The following CYRIB variants were observed in gnomAD, a reference collection of about 807,000 sequenced individuals.
CYRIB encodes CYFIP related Rac1 interactor B, also known as CYFIP-related Rac1 interactor B.
In CYRIB, 8 loss-of-function variants were observed where a neutral mutation model predicts 44.2. The ratio of observed to expected loss-of-function variants is 0.18; its 90% CI spans 0.11 to 0.33. The LOEUF (loss-of-function observed/expected upper bound fraction) is 0.33, where lower values mean the gene tolerates loss of function less well. Among genes scored for constraint, CYRIB ranks in the 10% least tolerant of loss-of-function variants. The pLI, the probability that CYRIB is intolerant of heterozygous loss-of-function variation, is 1.00. For missense variants in CYRIB, 185 were observed against 382.8 expected (o/e 0.48, Z 4.31); for synonymous variants, 131 against 127.2 (o/e 1.03, Z -0.20).
At chr8:129,843,232 A>G (rs1362515409) in intron 11 of CYRIB, among the ~76,000 whole-genome samples, 1 of 152,212 alleles carries the variant, frequency 6.6e-6, no homozygotes, top group Non-Finnish European at 1.5e-5. Context: ...TCTCCCATGG[A>G]CACCCAGAGG....
At chr8:129,918,901 T>C (rs2082107484) in intron 1 of CYRIB, among the ~76,000 whole-genome samples, 1 of 152,218 alleles carries the variant, frequency 6.6e-6, no homozygotes. Context: ...GGTCAATGTA[T>C]CGTTAGCAGA....
chr8:129,996,219 A>C (rs2096760950), intron 1 of CYRIB, among the ~76,000 whole-genome samples: 1 of 152,130 alleles, frequency 6.6e-6, no homozygotes, highest in African/African-American at 2.4e-5. Flanking sequence ...GCCACTTCCT[A>C]TGGGAAGCCC....
chr8:129,994,154 G>T (rs186530239), intron 1 of CYRIB, among the ~76,000 whole-genome samples: 1 of 152,260 alleles, frequency 6.6e-6, no homozygotes, highest in East Asian at 1.9e-4. Flanking sequence ...GGCCTAATAA[G>T]GTGATAACCA....
At chr8:129,946,161 T>C (rs1564321969) in intron 2 of CYRIB, among the ~76,000 whole-genome samples, 1 of 152,344 alleles carries the variant, frequency 6.6e-6, no homozygotes, top group East Asian at 1.9e-4. Context: ...GCTCCCTGGA[T>C]TGTAATTACT....
At chr8:129,906,158 A>T (rs2075269410) in intron 1 of CYRIB, among the ~76,000 whole-genome samples, 1 of 152,324 alleles carries the variant, frequency 6.6e-6, no homozygotes, top group South Asian at 2.1e-4. Flanking sequence ...ATCCTAAGCC[A>T]AAAGAACAAA....
intron 1 of CYRIB, among the ~76,000 whole-genome samples, chr8:129,933,938 G>A (rs1430661626): frequency 6.6e-6 from 1 of 151,788 alleles, no homozygotes; most frequent in Non-Finnish European, 1.5e-5. Flanking sequence ...TGTGTTTTGT[G>A]CTTGTACTTA....
In CYRIB at chr8:129,855,678, C is replaced by T. The variant is rs2045876974; in HGVS notation, c.371G>A (p.Arg124Gln). The change falls in exon 6 of 12, where the codon CGA becomes CAA. Residue 124 changes from arginine to glutamine, a missense_variant. Transcript: ENST00000519824. The stretch of plus-strand genomic sequence containing the variant: ...AAACTGTTTAGCAAGAGCCTGCTCT[C>T]GCTCTAGATGCTGGGTGGGAGAATA... 3.7e-6 allele frequency: 6 copies of T among 1,613,130 alleles called. No homozygotes were observed. The highest frequency in any genetic ancestry group is 1.1e-5 in the South Asian group (1 of 91,064).
At chr8:129,847,697 CG>C (rs2040908338) in intron 10 of CYRIB, among the ~76,000 whole-genome samples, 1 of 152,106 alleles carries the variant, frequency 6.6e-6, no homozygotes, top group Admixed American at 6.5e-5. Context: ...CACTTGATGA[CG>C]ATGGTATTTA....
Position 129,883,112 on chromosome 8 carries a change from C to CAAAAAAAAAAAAA in CYRIB, c.-10-3654_-10-3642dup, listed in dbSNP as rs34764499. Among the ~76,000 whole-genome samples, 77 of 41,256 alleles carry CAAAAAAAAAAAAA rather than the reference C, an allele frequency of 1.9e-3. 2 individuals are homozygous for CAAAAAAAAAAAAA. Among genetic ancestry groups the CAAAAAAAAAAAAA allele is most frequent in the African/African-American group, 5.9e-3 (61 of 10,354 alleles). The allele number at this position is 41,256 out of a possible 152,430, so 27.1% of individuals were successfully genotyped here. A position where few individuals can be genotyped will look rare whatever the true frequency, so the allele number is the denominator to read the frequency against. ...TAGGCAACAGAGCTAGACTCCCTCT[C>CAAAAAAAAAAAAA]AAAAAAAAAAAAAAAAAAAAAAAAA... is the stretch of plus-strand genomic sequence containing the variant. On this transcript the variant is annotated intron_variant, in intron 2 of 11. Coordinates refer to ENST00000519824, the Ensembl canonical transcript of CYRIB.
intron 1 of CYRIB, among the ~76,000 whole-genome samples, chr8:129,922,311 T>C (rs1198769886): frequency 6.6e-6 from 1 of 152,182 alleles, no homozygotes; most frequent in Admixed American, 6.5e-5. Flanking sequence ...CAGTCTCGAA[T>C]AGAAAACTGT....
intron 11 of CYRIB, among the ~76,000 whole-genome samples, chr8:129,846,119 G>A (rs1056135887): frequency 1.3e-5 from 2 of 152,210 alleles, no homozygotes; most frequent in Admixed American, 6.5e-5. Flanking sequence ...GTGACAGAGC[G>A]AGATTCCAAC....
At chr8:129,916,740 T>C (rs952382771) in intron 1 of CYRIB, among the ~76,000 whole-genome samples, 3 of 152,242 alleles carry the variant, frequency 2.0e-5, no homozygotes, top group African/African-American at 4.8e-5. Flanking sequence ...CTGCTACTCA[T>C]TGGCTGCAGA....
chr8:129,898,514 A>G (rs2069493170), intron 2 of CYRIB, among the ~76,000 whole-genome samples: 1 of 152,240 alleles, frequency 6.6e-6, no homozygotes. Context: ...ATAGTTTTCA[A>G]CAGTTTGTCA....
At chr8:129,920,677 C>T (rs1228734742) in intron 1 of CYRIB, among the ~76,000 whole-genome samples, 1 of 152,048 alleles carries the variant, frequency 6.6e-6, no homozygotes, top group Non-Finnish European at 1.5e-5. Flanking sequence ...AATTCTGAAA[C>T]CATTAACTCA....
chr8:129,985,644 C>G (rs1033786473), intron 1 of CYRIB, among the ~76,000 whole-genome samples: 1 of 151,618 alleles, frequency 6.6e-6, no homozygotes, highest in Non-Finnish European at 1.5e-5. Context: ...TGATTGCTCT[C>G]AGAAAAAAAA....
intron 1 of CYRIB, among the ~76,000 whole-genome samples, chr8:129,981,887 C>T (rs1168408759): frequency 6.6e-6 from 1 of 152,174 alleles, no homozygotes; most frequent in Non-Finnish European, 1.5e-5. Context: ...ACCACTGTCC[C>T]CCTCTCTCAG....
chr8:129,955,843 A>G (rs533719888), intron 2 of CYRIB, among the ~76,000 whole-genome samples: 2 of 152,302 alleles, frequency 1.3e-5, no homozygotes, highest in South Asian at 2.1e-4. Context: ...CTCACCCTCA[A>G]TTTATAATGT....
intron 2 of CYRIB, among the ~76,000 whole-genome samples, chr8:129,895,007 G>A (rs986990893): frequency 3.4e-5 from 5 of 149,226 alleles, no homozygotes; most frequent in East Asian, 2.0e-4. Context: ...GTGTGCTCAC[G>A]GCTCACTGCG....
At chr8:129,994,077 C>T (rs572503010) in intron 1 of CYRIB, among the ~76,000 whole-genome samples, 4 of 152,214 alleles carry the variant, frequency 2.6e-5, no homozygotes, top group African/African-American at 9.6e-5. Flanking sequence ...AAGAACGTAA[C>T]CTTATTTGGA....
Sources: gnomAD v4.1 joint callset for allele counts (sites outside exome capture counted in the v4.1 genomes callset) on GRCh38, gnomAD v4.1.1 for gene constraint, MANE v1.5 for transcripts, NCBI Gene and HGNC (gene_info 2026-07-23, HGNC 2026-07-21) for gene names.